The following OLA1 variants were observed in gnomAD, a reference collection of about 807,000 sequenced individuals.
OLA1 encodes the protein obg-like ATPase 1.
OLA1 carries 14 observed loss-of-function variants against 48.4 expected under a neutral mutation model. That is an observed-to-expected ratio of 0.29 (90% CI 0.19 to 0.45). The LOEUF is 0.45. Among genes scored for constraint, OLA1 ranks in the 20% least tolerant of loss-of-function variants. The pLI, the probability that OLA1 is intolerant of heterozygous loss-of-function variation, is 1.00. For missense variants in OLA1, 325 were observed against 467.1 expected, an observed-to-expected ratio of 0.70 and a Z score of 2.80; for synonymous variants, 127 against 150.4, an observed-to-expected ratio of 0.84 and a Z score of 1.14.
At chr2:174,097,107 G>T (rs914956687) in intron 7 of OLA1, among the ~76,000 whole-genome samples, 4 of 152,144 alleles carry the variant, frequency 2.6e-5, no homozygotes, top group African/African-American at 9.7e-5. Context: ...AGTGAGCCGA[G>T]ATCGCACCAC....
intron 4 of OLA1, among the ~76,000 whole-genome samples, chr2:174,169,061 C>T (rs929685666): frequency 1.3e-5 from 2 of 151,970 alleles, no homozygotes; most frequent in Admixed American, 6.6e-5. Context: ...CAGGTTCAAG[C>T]GATTCTCCCA....
chr2:174,198,652 G>C (rs1403806416), intron 4 of OLA1, among the ~76,000 whole-genome samples: 1 of 151,990 alleles, frequency 6.6e-6, no homozygotes, highest in Non-Finnish European at 1.5e-5. Context: ...ATGGCAGTGG[G>C]CACCTGTAAT....
At chr2:174,247,804 T>C (rs992691954) in intron 1 of OLA1, 69 of 1,549,202 alleles carry the variant, frequency 4.5e-5, no homozygotes, top group Non-Finnish European at 5.6e-5. Context: ...ACGGAACCTT[T>C]TTATTTACAA....
chr2:174,080,165 T>A (rs1040986270), intron 9 of OLA1, among the ~76,000 whole-genome samples: 1 of 152,006 alleles, frequency 6.6e-6, no homozygotes, highest in East Asian at 1.9e-4. Context: ...GGAGAGGAGA[T>A]AAAAGAAAAG....
At chr2:174,126,702 T>C (rs1195653984) in intron 5 of OLA1, among the ~76,000 whole-genome samples, 7 of 152,172 alleles carry the variant, frequency 4.6e-5, no homozygotes, top group Admixed American at 1.3e-4. Flanking sequence ...ATAGTGCATA[T>C]AGTGTTTAGC....
rs1684847785 is a variant in OLA1, at chr2:174,081,256, C to A, written c.870-8G>T. On this transcript the variant is annotated splice_region_variant and splice_polypyrimidine_tract_variant and intron_variant, in intron 8 of 10. Transcript: ENST00000284719. ...ATGATCTTTGGCAAAGCACTGAAAT[C>A]AAATGAAACAAATTCACCCAACACA... 4 of 1,600,982 alleles carry A rather than the reference C, an allele frequency of 2.5e-6. No individual in the cohort carries two copies. Among genetic ancestry groups the A allele is most frequent in the South Asian group, 2.2e-5 (2 of 90,674 alleles).
In OLA1 at chr2:174,193,065, T is replaced by C. The variant is rs1687808342; in HGVS notation, c.373+29968A>G. ...ATTAATTTTGGAAAATTCTTGGTCA[T>C]TATTTCTTAAAATATTTCTTTCTTT... On this transcript the variant is annotated intron_variant, in intron 4 of 10. Coordinates refer to ENST00000284719, the MANE Select transcript of OLA1 (RefSeq NM_013341.5). Among the ~76,000 whole-genome samples, 5 of 151,474 alleles carry C rather than the reference T, an allele frequency of 3.3e-5. No homozygotes were observed. In the South Asian group the frequency reaches 1.0e-3, roughly 31 times the overall value.
intron 3 of OLA1, among the ~76,000 whole-genome samples, chr2:174,224,591 A>G (rs1688576184): frequency 6.6e-6 from 1 of 151,468 alleles, no homozygotes; most frequent in Non-Finnish European, 1.5e-5. Context: ...CCTGGGCAAC[A>G]TGGTGAGACT....
At chr2:174,242,601 T>C (rs1389881453) in intron 2 of OLA1, among the ~76,000 whole-genome samples, 1 of 152,148 alleles carries the variant, frequency 6.6e-6, no homozygotes, top group Non-Finnish European at 1.5e-5. Flanking sequence ...AGGTCCACTA[T>C]ACCAAGCTAT....
At chr2:174,226,657 G>A (rs1389902929) in intron 3 of OLA1, among the ~76,000 whole-genome samples, 6 of 152,172 alleles carry the variant, frequency 3.9e-5, no homozygotes, top group Admixed American at 6.5e-5. Context: ...GGGCCACCAC[G>A]TCCGGCTACT....
At chr2:174,094,534 T>C (rs112237856) in intron 7 of OLA1, among the ~76,000 whole-genome samples, 21 of 152,236 alleles carry the variant, frequency 1.4e-4, no homozygotes, top group African/African-American at 5.1e-4. Flanking sequence ...AAACTGACTA[T>C]ATAACTACAG....
intron 5 of OLA1, among the ~76,000 whole-genome samples, chr2:174,126,485 A>G (rs912196850): frequency 1.3e-5 from 2 of 152,180 alleles, no homozygotes; most frequent in African/African-American, 4.8e-5. Context: ...TAAATTCTGT[A>G]CATTATAGAG....
intron 4 of OLA1, among the ~76,000 whole-genome samples, chr2:174,177,074 A>G (rs1193710532): frequency 2.0e-5 from 3 of 152,092 alleles, no homozygotes; most frequent in Non-Finnish European, 2.9e-5. Flanking sequence ...CACCTGAACA[A>G]TGATGTGTTC....
intron 7 of OLA1, among the ~76,000 whole-genome samples, chr2:174,110,770 T>A (rs1331359778): frequency 6.6e-6 from 1 of 152,126 alleles, no homozygotes; most frequent in African/African-American, 2.4e-5. Flanking sequence ...TTTGTAGACG[T>A]AGGATGTACC....
intron 4 of OLA1, among the ~76,000 whole-genome samples, chr2:174,211,448 T>C (rs745633808): frequency 2.6e-5 from 4 of 152,202 alleles, no homozygotes. Flanking sequence ...GATAACTCCA[T>C]ACATCACATC....
intron 5 of OLA1, among the ~76,000 whole-genome samples, chr2:174,138,125 C>T (rs562322340): frequency 2.6e-5 from 4 of 152,274 alleles, no homozygotes; most frequent in African/African-American, 4.8e-5. Context: ...GCATTCACAA[C>T]TTGGCTAACG....
intron 4 of OLA1, among the ~76,000 whole-genome samples, chr2:174,199,167 G>A (rs1687938728): frequency 6.6e-6 from 1 of 152,152 alleles, no homozygotes; most frequent in Non-Finnish European, 1.5e-5. Context: ...AGCTGAACTG[G>A]CCACTTTTTT....
chr2:174,080,359 CTA>C (rs1375294116), intron 9 of OLA1, among the ~76,000 whole-genome samples: 1 of 152,028 alleles, frequency 6.6e-6, no homozygotes, highest in Non-Finnish European at 1.5e-5. Flanking sequence ...GAATAAGACA[CTA>C]TTTCTAAAAG....
At chr2:174,093,655 C>G (rs1685178560) in intron 7 of OLA1, among the ~76,000 whole-genome samples, 1 of 152,140 alleles carries the variant, frequency 6.6e-6, no homozygotes, top group Admixed American at 6.5e-5. Context: ...ATTTTATATT[C>G]TGGTTGTAAA....
Sources: gnomAD v4.1 joint callset for allele counts (sites outside exome capture counted in the v4.1 genomes callset) on GRCh38, gnomAD v4.1.1 for gene constraint, MANE v1.5 for transcripts, NCBI Gene and HGNC (gene_info 2026-07-23, HGNC 2026-07-21) for gene names.